Variants in SRCAP observed in about 807,000 individuals in gnomAD.
SRCAP encodes the protein chromatin remodeling protein SRCAP.
SRCAP carries 46 observed loss-of-function variants against 263.1 expected under a neutral mutation model. The ratio of observed to expected loss-of-function variants is 0.17; its 90% CI spans 0.14 to 0.22. The LOEUF (loss-of-function observed/expected upper bound fraction) is 0.22. SRCAP is among the 10% of genes least tolerant of loss of function. The pLI, the probability that SRCAP is intolerant of heterozygous loss-of-function variation, is 1.00. For synonymous variants in SRCAP, 1,813 were observed against 1,662.1 expected (o/e 1.09, Z -2.21); for missense variants, 3,695 against 4,181.9 (o/e 0.88, Z 3.21).
At chr16:30,707,086 A>T in intron 4 of SRCAP, 97 bp from the exon 5 acceptor site, 1 of 1,255,614 alleles carries the variant, frequency 8.0e-7, no homozygotes, top group Non-Finnish European at 1.1e-6. Context: ...ACATAAGCAT[A>T]ACACACTCAG....
In SRCAP at chr16:30,722,744, C is replaced by T; in HGVS notation, c.3888C>T (p.Asn1296=). 1 of 1,609,466 alleles carries T rather than the reference C, an allele frequency of 6.2e-7. No individual in the cohort carries two copies. The highest frequency in any genetic ancestry group is 8.5e-7 in the Non-Finnish European group (1 of 1,176,724). The part of the protein sequence containing the change: ...PTGLSLPLAA[N]QVPPTMVNNT... ...GCCTCAGCCTTCCGCTTGCTGCTAA[C>T]CAGGGTGAGGCTCCTGGCCTTCCTA... Residue 1296 remains asparagine, a synonymous_variant, in exon 23 of 34, where the codon AAC becomes AAT. Coordinates refer to ENST00000262518, the MANE Select transcript of SRCAP (RefSeq NM_006662.3).
chr16:30,712,465 G>C, intron 13 of SRCAP, 26 bp downstream of exon 13: 1 of 1,547,456 alleles, frequency 6.5e-7, no homozygotes, highest in Non-Finnish European at 8.7e-7. Flanking sequence ...CCCTTCTTTT[G>C]TTCCCCCTAG....
At position 30,739,688 on chromosome 16, in the gene SRCAP, G is replaced by A; in HGVS notation, c.9648G>A (p.Leu3216=). 6.5e-7 allele frequency: 1 copy of A among 1,538,650 alleles called. No homozygotes were observed. The highest frequency in any genetic ancestry group is 2.4e-5 in the East Asian group (1 of 42,176). ...RILRSSAPPS[L]AGPAVSHRGR... Reference sequence around the variant, plus strand: ...TGCGCAGCAGCGCCCCTCCCTCCCTGGCTGGCCCTGCTGTTAGTCACAGAG... The same window carrying A: ...TGCGCAGCAGCGCCCCTCCCTCCCTAGCTGGCCCTGCTGTTAGTCACAGAG... The change falls in exon 34 of 34, where the codon CTG becomes CTA. Residue 3216 remains leucine, a synonymous_variant. Coordinates refer to ENST00000262518, the MANE Select transcript of SRCAP (RefSeq NM_006662.3).
chr16:30,729,691 GT>G (rs2053095335), intron 27 of SRCAP, 119 bp downstream of exon 27: 32 of 1,210,956 alleles, frequency 2.6e-5, no homozygotes, highest in Non-Finnish European at 2.2e-5. Flanking sequence ...GCTTTAGATG[GT>G]TTTTTAGGTT....
In SRCAP at chr16:30,713,395, G is replaced by C; in HGVS notation, c.2300+18G>C. The C allele has an allele frequency of 1.2e-6, 2 of 1,613,964 alleles. No individual in the cohort carries two copies. Among genetic ancestry groups the C allele is most frequent in the South Asian group, 2.2e-5 (2 of 91,072 alleles). ...TTCAACAGGTGGAGATGGAGATGGGGATTCATGGGAGGGTTGACTTGGCTA... is the reference window on the plus strand; with the variant it reads ...TTCAACAGGTGGAGATGGAGATGGGCATTCATGGGAGGGTTGACTTGGCTA... On this transcript the variant is annotated intron_variant, in intron 15 of 33. Transcript: ENST00000262518.
rs938236292 is a variant in SRCAP at position 30,739,515 on chromosome 16, C to T, written c.9475C>T (p.Pro3159Ser). 1.6e-5 allele frequency: 25 copies of T among 1,612,336 alleles called. No individual in the cohort carries two copies. Among genetic ancestry groups the T allele is most frequent in the Non-Finnish European group, 2.0e-5 (24 of 1,179,308 alleles). The change falls in exon 34 of 34, where the codon CCC becomes TCC. Residue 3159 changes from proline to serine, a missense_variant. By Grantham distance (74) the Pro-to-Ser change is moderately conservative. Transcript: ENST00000262518. ...GCTGGCAAAGCGGGGCCGCCTACAG[C>T]CCCCAAGTCCCCTGGGGCCTGAGGG... Reference protein sequence around the residue: ...PGLAKRGRLQPPSPLGPEGSV... With the variant: ...PGLAKRGRLQSPSPLGPEGSV...
intron 4 of SRCAP, among the ~76,000 whole-genome samples, chr16:30,706,233 C>T (rs1041029726): frequency 1.3e-5 from 2 of 152,112 alleles, no homozygotes; most frequent in Non-Finnish European, 2.9e-5. Flanking sequence ...CCCAGGCAGG[C>T]GGATTGCTTA....
chr16:30,736,420 G>C, intron 32 of SRCAP, 26 bp downstream of exon 32: 1 of 1,604,396 alleles, frequency 6.2e-7, no homozygotes, highest in Non-Finnish European at 8.5e-7. Context: ...ACTAGTTCTT[G>C]ACTTTACTGC....
chr16:30,727,058 C>G (rs943468962), intron 25 of SRCAP, among the ~76,000 whole-genome samples: 1 of 152,090 alleles, frequency 6.6e-6, no homozygotes, highest in African/African-American at 2.4e-5. Context: ...ACGCTGGTTT[C>G]GAATTCCACA....
intron 10 of SRCAP, 47 bp from the exon 11 acceptor site, chr16:30,711,524 T>C: frequency 6.5e-7 from 1 of 1,536,054 alleles, no homozygotes; most frequent in Non-Finnish European, 8.7e-7. Context: ...AGACCTCCCC[T>C]TCTCCCTCCC....
At chr16:30,726,307 C>T (rs1250691109) in intron 25 of SRCAP, 1 of 152,130 alleles carries the variant, frequency 6.6e-6, no homozygotes, top group Non-Finnish European at 1.5e-5. Flanking sequence ...TTGTTATGAA[C>T]AATGCTGCTG....
At chr16:30,730,555 C>T (rs930410082) in intron 27 of SRCAP, among the ~76,000 whole-genome samples, 1 of 152,094 alleles carries the variant, frequency 6.6e-6, no homozygotes, top group Admixed American at 6.6e-5. Context: ...CTTCAGCCTC[C>T]TGAGTAGCTG....
intron 33 of SRCAP, 127 bp downstream of exon 33, chr16:30,736,751 C>A: frequency 1.0e-6 from 1 of 986,392 alleles, no homozygotes; most frequent in Non-Finnish European, 1.5e-6. Flanking sequence ...CGGGTCACTG[C>A]AGTCTCCGCC....
rs1373048061 is a variant in SRCAP, at chr16:30,735,835, T to G, written c.6730-365T>G. Among the ~76,000 whole-genome samples the G allele has an allele frequency of 2.6e-5, 4 of 152,100 alleles. No individual in the cohort carries two copies. The East Asian group carries it at 7.7e-4, about 29-fold the overall frequency. ...ACCTCATGATCTGCCCGCCTTGGCC[T>G]CCCAAAGTGCTGCAATTATAGGATT... is the stretch of plus-strand genomic sequence containing the variant. On this transcript the variant is annotated intron_variant, in intron 31 of 33. Transcript: ENST00000262518.
chr16:30,704,564 G>T (rs770234862), intron 4 of SRCAP, among the ~76,000 whole-genome samples: 1 of 152,142 alleles, frequency 6.6e-6, no homozygotes, highest in Non-Finnish European at 1.5e-5. Flanking sequence ...AAGGCCAGGC[G>T]CAGTGGCTCA....
In SRCAP at chr16:30,707,236, A is replaced by G. The variant is rs2052837534; in HGVS notation, c.360A>G (p.Ser120=). The change falls in exon 5 of 34, where the codon TCA becomes TCG. Residue 120 remains serine, a synonymous_variant. Transcript: ENST00000262518. ...AGCTGCGGAAGGAGGGTTTCTGGTCACTGAAGAGGCTGCCTAAGGTGCCAG... is the reference window on the plus strand; with the variant it reads ...AGCTGCGGAAGGAGGGTTTCTGGTCGCTGAAGAGGCTGCCTAAGGTGCCAG... ...IAELRKEGFW[S]LKRLPKVPEP... 3.1e-6 allele frequency: 5 copies of G among 1,614,178 alleles called. No homozygotes were observed. The highest frequency in any genetic ancestry group is 1.7e-6 in the Non-Finnish European group (2 of 1,180,050).
chr16:30,703,382 CG>C (rs2052790625), intron 3 of SRCAP, among the ~76,000 whole-genome samples: 1 of 149,802 alleles, frequency 6.7e-6, no homozygotes, highest in African/African-American at 2.4e-5. Flanking sequence ...TCAGTAGAGA[CG>C]GGGTTTCACC....
Position 30,700,824 on chromosome 16 carries a change from C to T in SRCAP, c.-1C>T. 6.2e-7 allele frequency: 1 copy of T among 1,614,042 alleles called. No individual in the cohort carries two copies. The highest frequency in any genetic ancestry group is 8.5e-7 in the Non-Finnish European group (1 of 1,179,924). On this transcript the variant is annotated 5_prime_UTR_variant, in exon 3 of 34. Transcript: ENST00000262518. ...CCAAGGGGGAGCCTGGGAGTGGGAC[C>T]ATGCAGAGCAGCCCCTCCCCTGCTC...
intron 25 of SRCAP, among the ~76,000 whole-genome samples, chr16:30,726,697 C>A (rs2053067790): frequency 6.6e-6 from 1 of 151,374 alleles, no homozygotes; most frequent in Non-Finnish European, 1.5e-5. Flanking sequence ...TTTTTGTATT[C>A]TTATTATTTT....
Sources: allele counts gnomAD v4.1 joint callset (sites outside exome capture counted in the v4.1 genomes callset), GRCh38; gene constraint gnomAD v4.1.1; transcripts MANE v1.5; gene names NCBI Gene and HGNC (gene_info 2026-07-23, HGNC 2026-07-21).